The following REV3L variants were observed in gnomAD, a reference collection of about 807,000 sequenced individuals.
REV3L encodes REV3 like, DNA directed polymerase zeta catalytic subunit, also known as DNA polymerase zeta catalytic subunit.
A neutral mutation model predicts 299.4 loss-of-function variants in REV3L; 69 were observed. That is an observed-to-expected ratio of 0.23 (90% CI 0.19 to 0.28). The LOEUF (loss-of-function observed/expected upper bound fraction) is 0.28. Among genes scored for constraint, REV3L ranks in the 10% least tolerant of loss-of-function variants. The probability of loss-of-function intolerance (pLI) is 1.00; values close to 1 mark genes in which losing one functional copy is unlikely to be tolerated. For missense variants in REV3L, 3,128 were observed against 3,693.8 expected (o/e 0.85, Z 3.97); for synonymous variants, 1,238 against 1,271.4 (o/e 0.97, Z 0.56).
chr6:111,452,759 G>A (rs1436269029), intron 1 of REV3L, among the ~76,000 whole-genome samples: 1 of 152,094 alleles, frequency 6.6e-6, no homozygotes, highest in Non-Finnish European at 1.5e-5. Flanking sequence ...GTCATAACTC[G>A]TCTAATTGGT....
chr6:111,414,793 C>T (rs1784586555), intron 2 of REV3L, among the ~76,000 whole-genome samples: 1 of 152,128 alleles, frequency 6.6e-6, no homozygotes, highest in South Asian at 2.1e-4. Context: ...CAATCCTTAC[C>T]CAAACACAAA....
At chr6:111,472,425 T>C (rs992257586) in intron 1 of REV3L, among the ~76,000 whole-genome samples, 1 of 152,080 alleles carries the variant, frequency 6.6e-6, no homozygotes, top group African/African-American at 2.4e-5. Context: ...ACAAGGCATT[T>C]TTGAGGTAAC....
intron 1 of REV3L, among the ~76,000 whole-genome samples, chr6:111,417,080 G>C (rs543753390): frequency 2.0e-5 from 3 of 151,788 alleles, no homozygotes; most frequent in Non-Finnish European, 4.4e-5. Flanking sequence ...TGGATTTCAG[G>C]GTATCTAAAT....
In REV3L at chr6:111,322,675, C is replaced by T. The variant is rs1774314916; in HGVS notation, c.8245G>A (p.Gly2749Ser). 6.2e-7 allele frequency: 1 copy of T among 1,613,000 alleles called. No homozygotes were observed. Among genetic ancestry groups the T allele is most frequent in the Non-Finnish European group, 8.5e-7 (1 of 1,179,036 alleles). The stretch of plus-strand genomic sequence containing the variant: ...CTGGCTTTGTGAACAATACTATCGC[C>T]AACCTGTTGGTACAAACACATTGGA... ...FSGRMPCIEVGDSIVHKARET... is the reference protein window; with the variant it reads ...FSGRMPCIEVSDSIVHKARET... The change falls in exon 26 of 32, where the codon GGC becomes AGC. Residue 2749 changes from glycine (G) to serine (S), a missense_variant. Around this residue, in one of 9 missense-constraint regions of REV3L, gnomAD observed 37 missense variants for 100.1 expected, o/e 0.37. Coordinates refer to ENST00000368802, the MANE Select transcript of REV3L (RefSeq NM_001372078.1).
At chr6:111,463,082 G>A (rs140582837) in intron 1 of REV3L, among the ~76,000 whole-genome samples, 68 of 152,280 alleles carry the variant, frequency 4.5e-4, no homozygotes, top group Middle Eastern at 6.8e-3. Flanking sequence ...CAGTCTCATA[G>A]GCATAGCTTC....
At chr6:111,475,860 T>G (rs1184175394) in intron 1 of REV3L, among the ~76,000 whole-genome samples, 1 of 152,184 alleles carries the variant, frequency 6.6e-6, no homozygotes, top group Admixed American at 6.5e-5. Context: ...ACCCTACCTT[T>G]TTTGTTTCTT....
chr6:111,431,132 C>G, intron 1 of REV3L: 1 of 1,508,384 alleles, frequency 6.6e-7, no homozygotes, highest in South Asian at 1.1e-5. Context: ...GGGGAAGACA[C>G]AGATCTTCCA....
At chr6:111,480,679 T>C (rs1445112270) in intron 1 of REV3L, among the ~76,000 whole-genome samples, 1 of 152,052 alleles carries the variant, frequency 6.6e-6, no homozygotes, top group African/African-American at 2.4e-5. Context: ...TGATAATCCT[T>C]AACAATTTAA....
At position 111,307,385 on chromosome 6, in the gene REV3L, T is replaced by A; in HGVS notation, c.9228A>T (p.Glu3076Asp). Residue 3076 changes from glutamate to aspartate, a missense_variant, in exon 31 of 32, where the codon GAA (glutamate) becomes GAT (aspartate). Transcript: ENST00000368802. ...VILNQEIREL[E>D]RQQEQLVKIC... ...CCTTTACAAGTTGCTCCTGTTGACG[T>A]TCCAACTCCCGGATTTCTTGGTTGA... 5 of 1,614,124 alleles carry A rather than the reference T, an allele frequency of 3.1e-6. No individual in the cohort carries two copies. The highest frequency in any genetic ancestry group is 4.2e-6 in the Non-Finnish European group (5 of 1,179,994).
intron 19 of REV3L, among the ~76,000 whole-genome samples, chr6:111,350,476 T>C (rs1276479759): frequency 2.7e-5 from 4 of 150,706 alleles, no homozygotes; most frequent in South Asian, 2.1e-4. Flanking sequence ...AAAAAAGATA[T>C]TGAAAAAAAA....
In REV3L at chr6:111,376,632, T is replaced by A. The variant is rs1364328171; in HGVS notation, c.1723A>T (p.Ile575Phe). Reference sequence around the variant, plus strand: ...CTTGTGTGTTTACACTGAAAGGTAATCTTAGCAGAAGATGAGGGTTCTAAT... The same window carrying A: ...CTTGTGTGTTTACACTGAAAGGTAAACTTAGCAGAAGATGAGGGTTCTAAT... ...ATLEPSSSAKITFQCKHTSAL... is the reference protein window; with the variant it reads ...ATLEPSSSAKFTFQCKHTSAL... Residue 575 changes from isoleucine to phenylalanine, a missense_variant, in exon 13 of 32, where the codon ATT (isoleucine) becomes TTT (phenylalanine). By Grantham distance (21) the Ile-to-Phe change is conservative. Around this residue, in one of 9 missense-constraint regions of REV3L, gnomAD observed 2,409 missense variants for 2,611.8 expected, o/e 0.92. Coordinates refer to ENST00000368802, the MANE Select transcript of REV3L (RefSeq NM_001372078.1). The A allele has an allele frequency of 6.2e-7, 1 of 1,613,164 alleles. No homozygotes were observed. Among genetic ancestry groups the A allele is most frequent in the South Asian group, 1.1e-5 (1 of 91,076 alleles).
chr6:111,412,028 T>C, intron 2 of REV3L: 1 of 985,374 alleles, frequency 1.0e-6, no homozygotes, highest in Non-Finnish European at 1.2e-6. Context: ...TTCAACAAAG[T>C]CCTTTACTTA....
chr6:111,325,442 A>G (rs1453956153), intron 25 of REV3L, among the ~76,000 whole-genome samples: 1 of 152,190 alleles, frequency 6.6e-6, no homozygotes, highest in Non-Finnish European at 1.5e-5. Context: ...GTCTTTCTCT[A>G]TGATGGTACT....
intron 31 of REV3L, among the ~76,000 whole-genome samples, chr6:111,304,356 CTT>C (rs930631203): frequency 3.4e-5 from 5 of 147,876 alleles, no homozygotes; most frequent in African/African-American, 1.0e-4. Flanking sequence ...CAAGGTCTGA[CTT>C]ATAATGTTTA....
At chr6:111,343,100 T>C (rs568361749) in intron 21 of REV3L, among the ~76,000 whole-genome samples, 15 of 152,234 alleles carry the variant, frequency 9.9e-5, no homozygotes, top group Admixed American at 2.0e-4. Flanking sequence ...TATGAAAATG[T>C]ATGTTCACAT....
chr6:111,360,200 T>C lies in REV3L; in HGVS notation c.6880-1186A>G, dbSNP rs188062063. On this transcript the variant is annotated intron_variant, in intron 16 of 31. Coordinates refer to ENST00000368802, the MANE Select transcript of REV3L (RefSeq NM_001372078.1). ...TTCAAGGGAATGAGGCAGATCTGTA[T>C]GTCCTAATATAAAAAGATCACTATA... Among the ~76,000 whole-genome samples the C allele has an allele frequency of 3.3e-5, 5 of 152,252 alleles. No homozygotes were observed. In the East Asian group the frequency reaches 7.7e-4, roughly 24 times the overall value.
rs775918192 is a variant in REV3L, at chr6:111,374,126, T to C, written c.4229A>G (p.Lys1410Arg). 1.2e-6 allele frequency: 2 copies of C among 1,614,164 alleles called. No individual in the cohort carries two copies. The highest frequency in any genetic ancestry group is 2.2e-5 in the East Asian group (1 of 44,888). ...ATTAGGGGTATATGCTTGGTCCAGC[T>C]TTGATTCTAGGGAATTGCGATATTC... ...LSEYRNSLES[K>R]LDQAYTPNFL... The change falls in exon 13 of 32, where the codon AAG becomes AGG. Residue 1410 changes from lysine to arginine, a missense_variant. Around this residue, in one of 9 missense-constraint regions of REV3L, gnomAD observed 2,409 missense variants for 2,611.8 expected, o/e 0.92. Coordinates refer to ENST00000368802, the MANE Select transcript of REV3L (RefSeq NM_001372078.1).
In REV3L at chr6:111,381,327, A is replaced by T. The variant is rs61756665; in HGVS notation, c.1214T>A (p.Phe405Tyr). The part of the protein sequence containing the change: ...LTQRLSESPV[F>Y]MDSSPDEALV... ...TTTATGGTAGCACTGTTACTTACTG[A>T]AAACAGGTGACTCACTCAGTCTTTG... Residue 405 changes from phenylalanine (F) to tyrosine (Y), a missense_variant and splice_region_variant, in exon 10 of 32, where the codon TTC (phenylalanine) becomes TAC (tyrosine). Phe to Tyr is a conservative substitution (Grantham distance 22). Coordinates refer to ENST00000368802, the MANE Select transcript of REV3L (RefSeq NM_001372078.1). The T allele has an allele frequency of 1.5e-3, 2,495 of 1,613,408 alleles. 2 individuals carry two copies. Among genetic ancestry groups the T allele is most frequent in the Non-Finnish European group, 2.0e-3 (2,394 of 1,179,818 alleles).
chr6:111,365,249 T>C lies in REV3L; in HGVS notation c.6753+16A>G, dbSNP rs753461769. On this transcript the variant is annotated intron_variant, in intron 15 of 31. Coordinates refer to ENST00000368802, the MANE Select transcript of REV3L (RefSeq NM_001372078.1). ...TGGCTCTTCCACTGATCTTTAAAAA[T>C]GTTTAGTATAGTTACCTTTGCTTGT... 25 of 1,372,664 alleles carry C rather than the reference T, an allele frequency of 1.8e-5. No homozygotes were observed. The South Asian group carries it at 3.3e-4, about 18-fold the overall frequency. 85.0% of individuals were successfully genotyped at this position (1,372,664 alleles called of 1,614,324 possible). A position where few individuals can be genotyped will look rare whatever the true frequency, so the allele number is the denominator to read the frequency against.
Sources: gnomAD v4.1 joint callset for allele counts (sites outside exome capture counted in the v4.1 genomes callset) on GRCh38, gnomAD v4.1.1 for gene constraint, gnomAD v4.1.1 regional missense constraint, MANE v1.5 for transcripts, NCBI Gene and HGNC (gene_info 2026-07-23, HGNC 2026-07-21) for gene names.